The following MACROD2 variants were observed in gnomAD, a reference collection of about 807,000 sequenced individuals.
MACROD2 encodes the protein ADP-ribose glycohydrolase MACROD2.
A neutral mutation model predicts 70.4 loss-of-function variants in MACROD2; 36 were observed. The ratio of observed to expected loss-of-function variants is 0.51; its 90% CI spans 0.39 to 0.68. The LOEUF (loss-of-function observed/expected upper bound fraction) is 0.68. Ranked by LOEUF, MACROD2 falls within the 30% of genes least tolerant of loss-of-function variation. MACROD2 has a pLI of 0.00. For missense variants in MACROD2, 496 were observed against 538.4 expected, an observed-to-expected ratio of 0.92 and a Z score of 0.78; for synonymous variants, 172 against 178.8, an observed-to-expected ratio of 0.96 and a Z score of 0.30.
rs142964442 is a variant in MACROD2 at position 14,443,399 on chromosome 20, C to T, written c.272-50080C>T. 7.0e-3 allele frequency among the ~76,000 whole-genome samples: 1,059 copies of T among 150,636 alleles called. 22 individuals are homozygous for T. The highest frequency in any genetic ancestry group is 0.025 in the African/African-American group (1,032 of 40,964). On this transcript the variant is annotated intron_variant, in intron 3 of 17. Transcript: ENST00000684519. ...GCAACCACTGCCTCCTGGGTTCAAG[C>T]GATTCTCTTGTCTTAGCTTCCTGAG...
At chr20:15,602,185 C>A (rs1420571080) in intron 8 of MACROD2, among the ~76,000 whole-genome samples, 2 of 152,150 alleles carry the variant, frequency 1.3e-5, no homozygotes, top group African/African-American at 4.8e-5. Flanking sequence ...GAGCTACCAG[C>A]CTCTATACGG....
chr20:14,322,174 A>AT (rs2082667051), intron 3 of MACROD2, among the ~76,000 whole-genome samples: 3 of 116,958 alleles, frequency 2.6e-5, no homozygotes, highest in Admixed American at 8.7e-5. Flanking sequence ...TATTCTATTG[A>AT]AATATATATA....
chr20:14,025,526 G>T (rs2053150961), intron 2 of MACROD2, among the ~76,000 whole-genome samples: 1 of 152,016 alleles, frequency 6.6e-6, no homozygotes, highest in South Asian at 2.1e-4. Context: ...TGTGTCCCAG[G>T]TATTTTGGTA....
chr20:14,052,712 C>T (rs905860017), intron 2 of MACROD2, among the ~76,000 whole-genome samples: 4 of 151,540 alleles, frequency 2.6e-5, no homozygotes, highest in African/African-American at 9.7e-5. Flanking sequence ...TTTTTTTTTG[C>T]AAACCATATG....
At chr20:15,679,512 G>A (rs1356053875) in intron 8 of MACROD2, among the ~76,000 whole-genome samples, 1 of 152,206 alleles carries the variant, frequency 6.6e-6, no homozygotes, top group African/African-American at 2.4e-5. Flanking sequence ...GGCTGAGCCT[G>A]TGACTTGCTT....
intron 3 of MACROD2, among the ~76,000 whole-genome samples, chr20:14,181,004 T>G (rs77183256): frequency 1.8e-3 from 279 of 152,236 alleles, no homozygotes; most frequent in African/African-American, 6.5e-3. Flanking sequence ...TGCTTATCTT[T>G]CTATTTCTTT....
intron 8 of MACROD2, among the ~76,000 whole-genome samples, chr20:15,685,918 CTGTT>C (rs752660594): frequency 9.9e-5 from 15 of 152,118 alleles, no homozygotes; most frequent in Non-Finnish European, 2.1e-4. Context: ...CTCCTATAGA[CTGTT>C]GGCTCTTCCA....
intron 8 of MACROD2, among the ~76,000 whole-genome samples, chr20:15,828,113 A>G (rs2064016940): frequency 6.6e-6 from 1 of 152,220 alleles, no homozygotes; most frequent in Non-Finnish European, 1.5e-5. Flanking sequence ...GAAATTGCTA[A>G]GAGAGTAGAT....
At chr20:14,219,483 G>A (rs543059681) in intron 3 of MACROD2, among the ~76,000 whole-genome samples, 132 of 151,884 alleles carry the variant, frequency 8.7e-4, no homozygotes, top group South Asian at 7.1e-3. Flanking sequence ...CCTTTCTTTG[G>A]TCCCTCCCCA....
chr20:15,965,666 T>C (rs1201604552), intron 12 of MACROD2, among the ~76,000 whole-genome samples: 1 of 152,198 alleles, frequency 6.6e-6, no homozygotes, highest in Non-Finnish European at 1.5e-5. Flanking sequence ...TATATACCTT[T>C]TTAAATCATT....
At chr20:14,530,590 G>A (rs2085291132) in intron 4 of MACROD2, among the ~76,000 whole-genome samples, 1 of 152,100 alleles carries the variant, frequency 6.6e-6, no homozygotes. Flanking sequence ...TGCAGGATTT[G>A]TATTGAGGCT....
chr20:15,108,309 C>G (rs1327579183), intron 5 of MACROD2, among the ~76,000 whole-genome samples: 1 of 152,154 alleles, frequency 6.6e-6, no homozygotes, highest in Non-Finnish European at 1.5e-5. Context: ...ATATTTTCTT[C>G]TTATACTTTG....
chr20:15,376,195 A>ATTTGTATTTGTGGCAAAT (rs1158319831), intron 6 of MACROD2, among the ~76,000 whole-genome samples: 4 of 152,236 alleles, frequency 2.6e-5, no homozygotes, highest in Admixed American at 2.6e-4. Context: ...GCAATTTTGG[A>ATTTGTATTTGTGGCAAAT]TTGGTAGGTA....
intron 5 of MACROD2, among the ~76,000 whole-genome samples, chr20:15,180,434 G>T (rs1394009032): frequency 6.6e-6 from 1 of 152,204 alleles, no homozygotes; most frequent in Non-Finnish European, 1.5e-5. Context: ...TCTATCTGGT[G>T]AATTAAGGAT....
chr20:14,041,782 G>C (rs2053394666), intron 2 of MACROD2, among the ~76,000 whole-genome samples: 1 of 152,184 alleles, frequency 6.6e-6, no homozygotes, highest in Admixed American at 6.5e-5. Context: ...GTAATTAGAA[G>C]ACTCTGGAAT....
intron 9 of MACROD2, among the ~76,000 whole-genome samples, chr20:15,878,598 C>G (rs763658946): frequency 2.0e-5 from 3 of 152,036 alleles, no homozygotes; most frequent in Non-Finnish European, 4.4e-5. Flanking sequence ...TATGGTGGCT[C>G]TAGGTAATGG....
intron 3 of MACROD2, among the ~76,000 whole-genome samples, chr20:14,110,009 A>G (rs1430147616): frequency 6.6e-6 from 1 of 152,020 alleles, no homozygotes; most frequent in Non-Finnish European, 1.5e-5. Flanking sequence ...TCAACAGTAC[A>G]TTAAAAAAAC....
intron 6 of MACROD2, among the ~76,000 whole-genome samples, chr20:15,424,292 T>G (rs1188294452): frequency 6.6e-6 from 1 of 152,250 alleles, no homozygotes; most frequent in African/African-American, 2.4e-5. Flanking sequence ...AATGTCCATC[T>G]GTTTACCACC....
chr20:14,973,347 T>C (rs2122809328), intron 5 of MACROD2, among the ~76,000 whole-genome samples: 1 of 150,098 alleles, frequency 6.7e-6, no homozygotes, highest in South Asian at 2.2e-4. Context: ...ATCAGCACCC[T>C]GAGTAGCTGG....
Sources: gnomAD v4.1 joint callset for allele counts (sites outside exome capture counted in the v4.1 genomes callset) on GRCh38, gnomAD v4.1.1 for gene constraint, MANE v1.5 for transcripts, NCBI Gene and HGNC (gene_info 2026-07-23, HGNC 2026-07-21) for gene names.